Variants in PRELID2 observed in about 807,000 individuals in gnomAD.
PRELID2 encodes the protein PRELI domain containing 2.
In PRELID2, 25 loss-of-function variants were observed where a neutral mutation model predicts 28.4. That is an observed-to-expected ratio of 0.88 (90% CI 0.64 to 1.23). The LOEUF (loss-of-function observed/expected upper bound fraction) is 1.23. Among genes scored for constraint, PRELID2 ranks in the 50% most tolerant of loss-of-function variants. The pLI, the probability that PRELID2 is intolerant of heterozygous loss-of-function variation, is 0.00. For synonymous variants in PRELID2, 76 were observed against 71.6 expected, an observed-to-expected ratio of 1.06 and a Z score of -0.31; for missense variants, 201 against 214.4, an observed-to-expected ratio of 0.94 and a Z score of 0.39.
At chr5:145,782,985 G>C (rs992042080) in intron 5 of PRELID2, among the ~76,000 whole-genome samples, 2 of 152,230 alleles carry the variant, frequency 1.3e-5, no homozygotes, top group African/African-American at 4.8e-5. Flanking sequence ...CCCTCAGAGA[G>C]CGGCCAAGAC....
At chr5:145,408,280 C>G in the PRELID2 span, among the ~76,000 whole-genome samples, 3 of 151,674 alleles carry the variant, frequency 2.0e-5, no homozygotes, top group South Asian at 4.2e-4. Flanking sequence ...AGCTCTCCAG[C>G]AATGGATACA....
At chr5:145,570,535 T>G (rs1753006968) in intron 1 of PRELID2, among the ~76,000 whole-genome samples, 1 of 152,222 alleles carries the variant, frequency 6.6e-6, no homozygotes, top group Non-Finnish European at 1.5e-5. Flanking sequence ...GCTATGAGCT[T>G]CAGTTTATAA....
the PRELID2 span, chr5:145,440,897 A>C: frequency 4.6e-5 from 7 of 152,138 alleles, 1 homozygote; most frequent in African/African-American, 1.7e-4. Flanking sequence ...TCCTGTGGTC[A>C]CAAGAGGCTC....
chr5:145,298,249 A>G, the PRELID2 span, among the ~76,000 whole-genome samples: 1 of 152,346 alleles, frequency 6.6e-6, no homozygotes, highest in South Asian at 2.1e-4. Flanking sequence ...TCAAAACAGC[A>G]TGGTACTGGT....
chr5:145,324,123 T>A, the PRELID2 span, among the ~76,000 whole-genome samples: 9 of 152,186 alleles, frequency 5.9e-5, no homozygotes, highest in Admixed American at 1.3e-4. Context: ...GAATTCGGAC[T>A]AATGGGGAAA....
chr5:145,389,943 A>T, the PRELID2 span, among the ~76,000 whole-genome samples: 8 of 152,246 alleles, frequency 5.3e-5, no homozygotes, highest in African/African-American at 1.9e-4. Flanking sequence ...GGAAGAAGTT[A>T]TATAGTTTAT....
chr5:145,323,463 T>TA, the PRELID2 span, among the ~76,000 whole-genome samples: 20 of 152,144 alleles, frequency 1.3e-4, no homozygotes, highest in African/African-American at 4.1e-4. Context: ...AATGTATTTT[T>TA]AAAAAAACAC....
At chr5:145,467,618 G>C (rs1752013742), downstream of PRELID2, among the ~76,000 whole-genome samples, 1 of 152,020 alleles carries the variant, frequency 6.6e-6, no homozygotes, top group Non-Finnish European at 1.5e-5. Flanking sequence ...CCTCAAGAAG[G>C]AAACAGAAGT....
At chr5:145,244,367 C>T in the PRELID2 span, among the ~76,000 whole-genome samples, 1 of 152,052 alleles carries the variant, frequency 6.6e-6, no homozygotes, top group African/African-American at 2.4e-5. Flanking sequence ...CTGTCTGCTA[C>T]CCTATTCCAA....
chr5:145,770,297 C>T (rs1208508327), intron 5 of PRELID2, among the ~76,000 whole-genome samples: 4 of 152,010 alleles, frequency 2.6e-5, no homozygotes, highest in African/African-American at 9.6e-5. Context: ...GGGAGGATTG[C>T]TTAAGGCCAG....
At chr5:145,259,319 C>A in the PRELID2 span, among the ~76,000 whole-genome samples, 1 of 152,134 alleles carries the variant, frequency 6.6e-6, no homozygotes, top group African/African-American at 2.4e-5. Context: ...GTCCTGCAGA[C>A]CACAAAGTGG....
the PRELID2 span, among the ~76,000 whole-genome samples, chr5:145,318,280 G>T: frequency 1.3e-5 from 2 of 151,924 alleles, no homozygotes; most frequent in African/African-American, 4.8e-5. Context: ...CAGAGACCAA[G>T]CCATTGTTGT....
At chr5:145,481,623 C>CAAAAAAAAAAAAAAAAAAAAAA (rs70998021) in intron 1 of PRELID2, among the ~76,000 whole-genome samples, 110 of 41,868 alleles carry the variant, frequency 2.6e-3, no homozygotes, top group African/African-American at 6.3e-3. Flanking sequence ...GCAAGGAAAT[C>CAAAAAAAAAAAAAAAAAAAAAA]AAAAAAAAAA....
At chr5:145,657,968 G>A (rs73302003) in intron 1 of PRELID2, among the ~76,000 whole-genome samples, 4,292 of 152,084 alleles carry the variant, frequency 0.028, 183 homozygotes, top group African/African-American at 0.094. Flanking sequence ...CATATTCTAC[G>A]AGTCATATAA....
intron 1 of PRELID2, among the ~76,000 whole-genome samples, chr5:145,643,187 T>A (rs1156773462): frequency 6.6e-6 from 1 of 152,212 alleles, no homozygotes; most frequent in East Asian, 1.9e-4. Flanking sequence ...CCTCTCTTAT[T>A]TCCTTGAGCA....
At chr5:145,712,500 G>A (rs928698015) in intron 1 of PRELID2, among the ~76,000 whole-genome samples, 5 of 152,048 alleles carry the variant, frequency 3.3e-5, no homozygotes, top group Admixed American at 6.5e-5. Context: ...CAACTAGCCC[G>A]CCACTGATAA....
intron 1 of PRELID2, among the ~76,000 whole-genome samples, chr5:145,551,271 C>T (rs1031068693): frequency 4.0e-5 from 6 of 151,840 alleles, no homozygotes; most frequent in Admixed American, 2.6e-4. Context: ...TGTGGTGGCG[C>T]GTGTCTGTAA....
chr5:145,728,635 G>A (rs1028203836), intron 1 of PRELID2: 29 of 1,272,424 alleles, frequency 2.3e-5, no homozygotes, highest in East Asian at 6.9e-5. Flanking sequence ...ACTCCATAAC[G>A]AACATAACCA....
intron 5 of PRELID2, 56 bp downstream of exon 5, chr5:145,796,386 T>C: frequency 8.8e-7 from 1 of 1,138,588 alleles, no homozygotes; most frequent in Non-Finnish European, 1.3e-6. Context: ...ATAACCCTAT[T>C]GGAACTCCTA....
Sources: gnomAD v4.1 joint callset for allele counts (sites outside exome capture counted in the v4.1 genomes callset) on GRCh38, gnomAD v4.1.1 for gene constraint, MANE v1.5 for transcripts, NCBI Gene and HGNC (gene_info 2026-07-23, HGNC 2026-07-21) for gene names.